The following CADM2 variants were observed in gnomAD, a reference collection of about 807,000 sequenced individuals.
The protein encoded by CADM2 is immunoglobulin superfamily member 4D.
Under a neutral mutation model 49.8 loss-of-function variants are expected in CADM2, and 12 were observed. The observed-to-expected ratio is 0.24, with a 90% CI of 0.15 to 0.39. CADM2 has a LOEUF of 0.39. CADM2 is among the 10% of genes least tolerant of loss of function. The pLI, the probability that CADM2 is intolerant of heterozygous loss-of-function variation, is 1.00. For synonymous variants in CADM2, 214 were observed against 175.4 expected (o/e 1.22, Z -1.74); for missense variants, 378 against 492.3 (o/e 0.77, Z 2.20).
chr3:86,001,175 C>T (rs1052104091), intron 8 of CADM2, among the ~76,000 whole-genome samples: 2 of 152,090 alleles, frequency 1.3e-5, no homozygotes, highest in Non-Finnish European at 2.9e-5. Context: ...TGTTGCCATT[C>T]AGTGAGATAG....
chr3:85,333,966 TG>T (rs1464557861), intron 1 of CADM2, among the ~76,000 whole-genome samples: 1 of 151,782 alleles, frequency 6.6e-6, no homozygotes, highest in Non-Finnish European at 1.5e-5. Context: ...AGTAAAATAA[TG>T]TTTTTTAATA....
At chr3:85,205,788 T>A (rs920737357) in intron 1 of CADM2, among the ~76,000 whole-genome samples, 2 of 152,148 alleles carry the variant, frequency 1.3e-5, no homozygotes, top group Admixed American at 6.5e-5. Flanking sequence ...AGTATTTAAT[T>A]TGGAGGTCAA....
chr3:85,866,415 A>G (rs1365808974), intron 3 of CADM2, among the ~76,000 whole-genome samples: 1 of 152,162 alleles, frequency 6.6e-6, no homozygotes, highest in Non-Finnish European at 1.5e-5. Flanking sequence ...CAAAGTTTCT[A>G]GAACAGTTTT....
chr3:85,942,212 A>G (rs769297754), intron 7 of CADM2, among the ~76,000 whole-genome samples: 2 of 151,974 alleles, frequency 1.3e-5, no homozygotes, highest in Non-Finnish European at 2.9e-5. Flanking sequence ...TTTCAATCAA[A>G]TAGTTGTTAA....
intron 2 of CADM2, among the ~76,000 whole-genome samples, chr3:85,797,572 T>C (rs2071703262): frequency 6.6e-6 from 1 of 152,246 alleles, no homozygotes; most frequent in Admixed American, 6.5e-5. Context: ...TCCATATCCC[T>C]GCAAAGGACA....
chr3:85,676,382 A>G (rs955907096), intron 1 of CADM2, among the ~76,000 whole-genome samples: 1 of 152,182 alleles, frequency 6.6e-6, no homozygotes, highest in African/African-American at 2.4e-5. Context: ...GAAATTTTTG[A>G]TAAGCTCTCC....
chr3:85,460,887 G>T (rs1295528705), intron 1 of CADM2, among the ~76,000 whole-genome samples: 1 of 152,098 alleles, frequency 6.6e-6, no homozygotes, highest in Non-Finnish European at 1.5e-5. Context: ...TAAAGCAGAA[G>T]AGATGAAATT....
At chr3:85,278,718 TTGTGTG>T (rs36208431) in intron 1 of CADM2, among the ~76,000 whole-genome samples, 45,311 of 144,322 alleles carry the variant, frequency 0.31, 8,478 homozygotes, top group Non-Finnish European at 0.44. Context: ...GCTGATGTTC[TTGTGTG>T]TGTGTGTGTG....
intron 8 of CADM2, among the ~76,000 whole-genome samples, chr3:85,969,838 G>C (rs577288200): frequency 3.3e-5 from 5 of 150,504 alleles, no homozygotes; most frequent in African/African-American, 1.2e-4. Context: ...TGTCTCTCCC[G>C]CTGTTTTCAA....
chr3:84,961,130 G>A (rs1277419388), intron 1 of CADM2, among the ~76,000 whole-genome samples: 1 of 152,042 alleles, frequency 6.6e-6, no homozygotes, highest in African/African-American at 2.4e-5. Context: ...TAAGACACAC[G>A]TAGACTCACT....
At chr3:85,705,957 C>T (rs895658424) in intron 1 of CADM2, among the ~76,000 whole-genome samples, 1 of 152,106 alleles carries the variant, frequency 6.6e-6, no homozygotes, top group African/African-American at 2.4e-5. Context: ...GAAAATGTGT[C>T]TGTGAAATAG....
At chr3:85,840,331 T>A (rs1004522553) in intron 3 of CADM2, among the ~76,000 whole-genome samples, 1 of 151,902 alleles carries the variant, frequency 6.6e-6, no homozygotes, top group Non-Finnish European at 1.5e-5. Context: ...TTTCTTTGTT[T>A]CTATGAGGAT....
chr3:85,294,308 G>A (rs985932888), intron 1 of CADM2, among the ~76,000 whole-genome samples: 34 of 152,204 alleles, frequency 2.2e-4, no homozygotes, highest in Admixed American at 3.3e-4. Context: ...ACAAATGGAC[G>A]AACATTCTAT....
At chr3:85,451,002 T>C (rs1252906179) in intron 1 of CADM2, among the ~76,000 whole-genome samples, 1 of 152,074 alleles carries the variant, frequency 6.6e-6, no homozygotes, top group Non-Finnish European at 1.5e-5. Context: ...TTTAATATGA[T>C]TTTGATGTTT....
At chr3:85,126,945 G>A (rs774649894) in intron 1 of CADM2, among the ~76,000 whole-genome samples, 2 of 152,086 alleles carry the variant, frequency 1.3e-5, no homozygotes, top group African/African-American at 2.4e-5. Context: ...ATAGGTGTAT[G>A]GTATGTGCAT....
chr3:85,595,603 G>A (rs2063220211), intron 1 of CADM2, among the ~76,000 whole-genome samples: 1 of 151,944 alleles, frequency 6.6e-6, no homozygotes, highest in African/African-American at 2.4e-5. Flanking sequence ...TATAGGAATT[G>A]TCCTGTTTAA....
At chr3:85,171,109 T>C (rs1299348535) in intron 1 of CADM2, among the ~76,000 whole-genome samples, 1 of 152,142 alleles carries the variant, frequency 6.6e-6, no homozygotes, top group Non-Finnish European at 1.5e-5. Flanking sequence ...TAGAAAAAAA[T>C]GTTAATTTTT....
At chr3:85,262,790 A>G (rs892005458) in intron 1 of CADM2, among the ~76,000 whole-genome samples, 2 of 116,456 alleles carry the variant, frequency 1.7e-5, no homozygotes, top group South Asian at 2.7e-4. Context: ...TGCCGCATCT[A>G]TTATTTTTAT....
rs112299961 is a variant in CADM2 at position 85,198,874 on chromosome 3, T to C, written c.61+239206T>C. On this transcript the variant is annotated intron_variant, in intron 1 of 9. Coordinates refer to ENST00000383699, the MANE Select transcript of CADM2 (RefSeq NM_001167675.2). ...AAAGACTTAGAATACCAAATAATTA[T>C]AGTAAGTTCTCCCTTAAATGTATTC... is the stretch of plus-strand genomic sequence containing the variant. 2.1e-3 allele frequency among the ~76,000 whole-genome samples: 319 copies of C among 152,024 alleles called. 1 individual carries two copies. Among genetic ancestry groups the C allele is most frequent in the African/African-American group, 7.3e-3 (302 of 41,538 alleles).
Sources: allele counts gnomAD v4.1 joint callset (sites outside exome capture counted in the v4.1 genomes callset), GRCh38; gene constraint gnomAD v4.1.1; transcripts MANE v1.5; gene names NCBI Gene and HGNC (gene_info 2026-07-23, HGNC 2026-07-21).